SERPINB11: variants seen among roughly 807,000 people sequenced by gnomAD.
SERPINB11 encodes serpin B11.
Under a neutral mutation model 36.7 loss-of-function variants are expected in SERPINB11, and 32 were observed. The ratio of observed to expected loss-of-function variants is 0.87; its 90% CI spans 0.66 to 1.17. The LOEUF is 1.17. Ranked by LOEUF, SERPINB11 falls within the 50% of genes most tolerant of loss-of-function variation. The pLI is 0.00. For missense variants in SERPINB11, 528 were observed against 458.4 expected, an observed-to-expected ratio of 1.15 and a Z score of -1.39; for synonymous variants, 174 against 168.1, an observed-to-expected ratio of 1.04 and a Z score of -0.27.
At chr18:63,712,727 C>A in intron 4 of SERPINB11, 34 bp downstream of exon 4, 1 of 1,599,420 alleles carries the variant, frequency 6.3e-7, no homozygotes, top group Non-Finnish European at 8.5e-7. Flanking sequence ...CAACAACTTT[C>A]TTGGCGTCCT....
At position 63,720,898 on chromosome 18, in the gene SERPINB11, C is replaced by G; in HGVS notation, c.686C>G (p.Pro229Arg). ...TTTAAACTGGCCTTTGTAAAGGAGC[C>G]GCAGATGCAAGTTCTTGAGCTGCCC... is the stretch of plus-strand genomic sequence containing the variant. ...GTFKLAFVKE[P>R]QMQVLELPYV... Residue 229 changes from proline (P) to arginine (R), a missense_variant, in exon 7 of 8, where the codon CCG becomes CGG. By Grantham distance (103) the Pro-to-Arg change is moderately radical. Transcript: ENST00000544088. The G allele has an allele frequency of 1.9e-6, 3 of 1,596,218 alleles. No individual in the cohort carries two copies. Among genetic ancestry groups the G allele is most frequent in the Non-Finnish European group, 2.6e-6 (3 of 1,170,606 alleles).
intron 1 of SERPINB11, among the ~76,000 whole-genome samples, chr18:63,708,727 G>A (rs570725956): frequency 1.3e-5 from 2 of 152,196 alleles, no homozygotes; most frequent in African/African-American, 2.4e-5. Context: ...GGAATTCAAG[G>A]TCAGCATAAA....
rs535943907 is a variant in SERPINB11, at chr18:63,716,244, G to T, written c.475+92G>T. The T allele has an allele frequency of 2.2e-5, 16 of 735,126 alleles. No individual in the cohort carries two copies. The East Asian group carries it at 4.5e-4, about 21-fold the overall frequency. 45.5% of individuals were successfully genotyped at this position (735,126 alleles called of 1,614,324 possible). On this transcript the variant is annotated intron_variant, in intron 5 of 7. Coordinates refer to ENST00000544088, the MANE Select transcript of SERPINB11 (RefSeq NM_001370475.1). ...CTAAAGAGGAAGCTGGCTGAAGTCT[G>T]CACCTGACATAGGCAGATCAGCAAG...
At chr18:63,720,202 T>C (rs763423482) in intron 6 of SERPINB11, 47 bp downstream of exon 6, 4 of 1,501,218 alleles carry the variant, frequency 2.7e-6, no homozygotes, top group Non-Finnish European at 3.7e-6. Context: ...GAGGATACAA[T>C]AATCATTTAA....
chr18:63,720,405 T>C (rs9989602), intron 6 of SERPINB11: 225,204 of 470,650 alleles, frequency 0.48, 55,801 homozygotes, highest in Non-Finnish European at 0.54. Context: ...CTTTTCTTAA[T>C]GCTCTCTTGG....
chr18:63,710,490 A>G, intron 2 of SERPINB11, 129 bp downstream of exon 2: 2 of 668,048 alleles, frequency 3.0e-6, no homozygotes. Context: ...CACATTGAAT[A>G]AATCATATTT....
intron 1 of SERPINB11, among the ~76,000 whole-genome samples, 157 bp from the exon 2 acceptor site, chr18:63,710,022 G>A (rs1187989857): frequency 6.6e-6 from 1 of 152,110 alleles, no homozygotes; most frequent in African/African-American, 2.4e-5. Flanking sequence ...CCCCTGTCTA[G>A]CATTTACTCA....
intron 1 of SERPINB11, among the ~76,000 whole-genome samples, chr18:63,708,075 C>T (rs562377634): frequency 6.6e-6 from 1 of 152,284 alleles, no homozygotes; most frequent in African/African-American, 2.4e-5. Context: ...TGCAAATGCC[C>T]TGAGGTTGAA....
intron 1 of SERPINB11, among the ~76,000 whole-genome samples, chr18:63,704,088 T>C (rs1235823487): frequency 1.3e-5 from 2 of 152,208 alleles, no homozygotes; most frequent in Non-Finnish European, 2.9e-5. Context: ...CTTCCATAAG[T>C]TCTGCTTCCC....
chr18:63,705,866 C>T (rs1381354401), intron 1 of SERPINB11: 1 of 152,200 alleles, frequency 6.6e-6, no homozygotes, highest in Non-Finnish European at 1.5e-5. Context: ...GAGCAACTGA[C>T]TTGGATATAC....
intron 6 of SERPINB11, 115 bp from the exon 7 acceptor site, chr18:63,720,709 GTTTCTAT>G (rs1914787227): frequency 1.5e-6 from 1 of 672,728 alleles, no homozygotes; most frequent in South Asian, 2.1e-5. Context: ...CTACTTTGTA[GTTTCTAT>G]TTTACCCATG....
intron 7 of SERPINB11, among the ~76,000 whole-genome samples, chr18:63,721,651 A>T (rs114272791): frequency 0.011 from 1,633 of 152,246 alleles, 26 homozygotes; most frequent in African/African-American, 0.037. Context: ...ACTGTGGCAC[A>T]GGTGAGCAAG....
Position 63,716,151 on chromosome 18 carries a change from T to C in SERPINB11, c.474T>C (p.Asn158=). The change falls in exon 5 of 8, where the codon AAT becomes AAC. Residue 158 remains asparagine, a splice_region_variant and synonymous_variant. Transcript: ENST00000544088. ...ATGCTTGGGTTGAAAATAAAACTAA[T>C]GGTAAGGATAAGTCAATATGTGTCT... is the stretch of plus-strand genomic sequence containing the variant. ...TINAWVENKT[N]GKVANLFGKS... 1.3e-6 allele frequency: 2 copies of C among 1,569,062 alleles called. No homozygotes were observed. The highest frequency in any genetic ancestry group is 1.7e-6 in the Non-Finnish European group (2 of 1,142,926).
In SERPINB11 at chr18:63,703,012, A is replaced by C. The variant is rs1452338785; in HGVS notation, c.-16+6A>C. ...ACTACTGGAAAGCAACAAAGGTAAG[A>C]GAAATGTTTCTGTACGTTATTATCT... is the stretch of plus-strand genomic sequence containing the variant. On this transcript the variant is annotated splice_donor_region_variant and intron_variant, in intron 1 of 7. Transcript: ENST00000544088. The C allele has an allele frequency of 2.6e-5, 4 of 152,252 alleles. No individual in the cohort carries two copies. The highest frequency in any genetic ancestry group is 4.4e-5 in the Non-Finnish European group (3 of 68,048). The allele number at this position is 152,252 out of a possible 1,614,324, so 9.4% of individuals were successfully genotyped here.
chr18:63,708,302 A>G (rs1914424517), intron 1 of SERPINB11, among the ~76,000 whole-genome samples: 1 of 152,210 alleles, frequency 6.6e-6, no homozygotes, highest in African/African-American at 2.4e-5. Flanking sequence ...TATTTAAAAA[A>G]TACTAGTCTA....
chr18:63,703,958 C>A (rs1375936164), intron 1 of SERPINB11, among the ~76,000 whole-genome samples: 1 of 45,886 alleles, frequency 2.2e-5, no homozygotes, highest in Admixed American at 3.0e-4. Flanking sequence ...TGACACAACT[C>A]ATTTGCTTGA....
chr18:63,709,792 G>A (rs1226866216), intron 1 of SERPINB11, among the ~76,000 whole-genome samples: 3 of 152,094 alleles, frequency 2.0e-5, no homozygotes, highest in Non-Finnish European at 4.4e-5. Context: ...CTGGCTGATC[G>A]TGTGTAGCTC....
chr18:63,718,283 T>C (rs979602366), intron 5 of SERPINB11, among the ~76,000 whole-genome samples: 18 of 152,122 alleles, frequency 1.2e-4, no homozygotes, highest in Admixed American at 4.6e-4. Context: ...ATCCTTTGTA[T>C]TTCCATATAC....
At position 63,710,259 on chromosome 18, in the gene SERPINB11, C is replaced by T. The variant is rs1405108426; in HGVS notation, c.66C>T (p.Asn22=). ...CLDVFKELNS[N]NIGDNIFFSS... Reference sequence around the variant, plus strand: ...ATGTGTTCAAAGAGCTGAACAGTAACAACATAGGAGATAACATCTTCTTTT... The same window carrying T: ...ATGTGTTCAAAGAGCTGAACAGTAATAACATAGGAGATAACATCTTCTTTT... The change falls in exon 2 of 8, where the codon AAC becomes AAT. Residue 22 remains asparagine (N), a synonymous_variant. Transcript: ENST00000544088. 19 of 1,613,608 alleles carry T rather than the reference C, an allele frequency of 1.2e-5. No homozygotes were observed. The highest frequency in any genetic ancestry group is 1.5e-5 in the Non-Finnish European group (18 of 1,179,750).
Sources: allele counts gnomAD v4.1 joint callset (sites outside exome capture counted in the v4.1 genomes callset), GRCh38; gene constraint gnomAD v4.1.1; transcripts MANE v1.5; gene names NCBI Gene and HGNC (gene_info 2026-07-23, HGNC 2026-07-21).